ZNF518A: variants seen among roughly 807,000 people sequenced by gnomAD.
ZNF518A encodes zinc finger protein 518.
A neutral mutation model predicts 102.7 loss-of-function variants in ZNF518A; 47 were observed. That is an observed-to-expected ratio of 0.46 (90% CI 0.36 to 0.58). The LOEUF (loss-of-function observed/expected upper bound fraction) is 0.58, where lower values mean the gene tolerates loss of function less well. ZNF518A is among the 20% of genes least tolerant of loss of function. The pLI, the probability that ZNF518A is intolerant of heterozygous loss-of-function variation, is 0.00. For synonymous variants in ZNF518A, 652 were observed against 594.6 expected (o/e 1.10, Z -1.40); for missense variants, 1,793 against 1,699.8 (o/e 1.05, Z -0.96).
chr10:96,161,961 T>C lies in ZNF518A; in HGVS notation c.*1187T>C, dbSNP rs908203870. On this transcript the variant is annotated 3_prime_UTR_variant, in exon 6 of 6. Transcript: ENST00000316045. Reference sequence around the variant, plus strand: ...CAGAGTTTTAAAATGGATGTTTTCATGATGACAACAGAATCATAGATTTAG... The same window carrying C: ...CAGAGTTTTAAAATGGATGTTTTCACGATGACAACAGAATCATAGATTTAG... 2 of 167,104 alleles carry C rather than the reference T, an allele frequency of 1.2e-5. No homozygotes were observed. The highest frequency in any genetic ancestry group is 3.9e-4 in the East Asian group (2 of 5,192). 10.4% of individuals were successfully genotyped at this position (167,104 alleles called of 1,614,324 possible). A position where few individuals can be genotyped will look rare whatever the true frequency, so the allele number is the denominator to read the frequency against.
rs782396010 is a variant in ZNF518A, at chr10:96,158,251, A to G, written c.1929A>G (p.Ser643=). The change falls in exon 6 of 6, where the codon TCA becomes TCG. Residue 643 remains serine (S), a synonymous_variant. Coordinates refer to ENST00000316045, the MANE Select transcript of ZNF518A (RefSeq NM_001330736.2). ...NQGSLPFHNY[S]KVNNSNKRRR... is the part of the protein sequence containing the mutation. ...GATCATTACCTTTTCATAATTACTC[A>G]AAAGTGAATAATTCTAATAAACGTC... 5.6e-6 allele frequency: 9 copies of G among 1,613,498 alleles called. No individual in the cohort carries two copies. The South Asian group carries it at 9.9e-5, about 18-fold the overall frequency.
intron 1 of ZNF518A, chr10:96,190,151 T>G (rs750763099): frequency 1.2e-5 from 11 of 954,088 alleles, no homozygotes; most frequent in Non-Finnish European, 1.8e-5. Flanking sequence ...TTGTCGGCCT[T>G]TAGTTCACAA....
At chr10:96,198,871 T>G (rs1554895331) in intron 1 of ZNF518A, among the ~76,000 whole-genome samples, 1 of 152,132 alleles carries the variant, frequency 6.6e-6, no homozygotes, top group Non-Finnish European at 1.5e-5. Context: ...GCTAATTTTT[T>G]TATTTTCAGT....
intron 1 of ZNF518A, among the ~76,000 whole-genome samples, chr10:96,192,451 T>C (rs1321054358): frequency 1.3e-5 from 2 of 152,226 alleles, no homozygotes; most frequent in Non-Finnish European, 2.9e-5. Context: ...GATCATCTCT[T>C]ACTTTGCACA....
intron 1 of ZNF518A, among the ~76,000 whole-genome samples, chr10:96,179,587 T>C (rs587624347): frequency 1.0e-3 from 155 of 152,290 alleles, no homozygotes; most frequent in Non-Finnish European, 1.9e-3. Flanking sequence ...TATAAACATG[T>C]ATTTTCTATG....
chr10:96,200,844 C>T lies in ZNF518A; in HGVS notation n.36-2730C>T. ...CAACTGGGTATTCTGTCCCTATTACCAAATGACAGTTCACATAATGATGTA... is the reference window on the plus strand; with the variant it reads ...CAACTGGGTATTCTGTCCCTATTACTAAATGACAGTTCACATAATGATGTA... On this transcript the variant is annotated intron_variant and non_coding_transcript_variant, in intron 1 of 2. Transcript: ENST00000442635. The surrounding 1 kb of genome is among the most constrained non-coding windows in gnomAD (Gnocchi z 4.3). 2.4e-6 allele frequency: 2 copies of T among 840,012 alleles called. No individual in the cohort carries two copies. The highest frequency in any genetic ancestry group is 4.1e-6 in the Non-Finnish European group (2 of 490,166). The allele number at this position is 840,012 out of a possible 1,614,324, so 52.0% of individuals were successfully genotyped here.
chr10:96,159,091 T>G lies in ZNF518A; in HGVS notation c.2769T>G (p.Asn923Lys). Residue 923 changes from asparagine (N) to lysine (K), a missense_variant, in exon 6 of 6, where the codon AAT becomes AAG. Physicochemically the swap from Asn to Lys is moderately conservative, Grantham distance 94. Coordinates refer to ENST00000316045, the MANE Select transcript of ZNF518A (RefSeq NM_001330736.2). ...GSFYMQSPLLNSEQKKTIIVQ... is the reference protein window; with the variant it reads ...GSFYMQSPLLKSEQKKTIIVQ... ...TTTATATGCAGAGTCCACTTTTAAA[T>G]TCAGAACAAAAAAAAACTATAATTG... The G allele has an allele frequency of 6.2e-7, 1 of 1,611,530 alleles. No individual in the cohort carries two copies. Among genetic ancestry groups the G allele is most frequent in the African/African-American group, 1.3e-5 (1 of 74,716 alleles).
chr10:96,195,799 G>GT (rs2083450887), intron 1 of ZNF518A, among the ~76,000 whole-genome samples: 1 of 152,096 alleles, frequency 6.6e-6, no homozygotes, highest in East Asian at 1.9e-4. Context: ...TTTTATATGT[G>GT]GTTTTTTAAC....
chr10:96,158,739 A>G lies in ZNF518A; in HGVS notation c.2417A>G (p.Asn806Ser), dbSNP rs1554885056. 2 of 1,613,416 alleles carry G rather than the reference A, an allele frequency of 1.2e-6. No individual in the cohort carries two copies. Among genetic ancestry groups the G allele is most frequent in the Non-Finnish European group, 8.5e-7 (1 of 1,179,542 alleles). Residue 806 changes from asparagine to serine, a missense_variant, in exon 6 of 6, where the codon AAT becomes AGT. By Grantham distance (46) the Asn-to-Ser change is conservative. Coordinates refer to ENST00000316045, the MANE Select transcript of ZNF518A (RefSeq NM_001330736.2). Reference protein sequence around the residue: ...DVKQDSSNTPNKGLPLHCDQS... With the variant: ...DVKQDSSNTPSKGLPLHCDQS... ...AAACAAGACTCTAGTAACACTCCAAATAAAGGCTTGCCACTTCATTGTGAC... is the reference window on the plus strand; with the variant it reads ...AAACAAGACTCTAGTAACACTCCAAGTAAAGGCTTGCCACTTCATTGTGAC...
intron 1 of ZNF518A, chr10:96,192,170 A>C: frequency 2.7e-4 from 420 of 1,575,446 alleles, no homozygotes; most frequent in Non-Finnish European, 3.3e-4. Context: ...ATCTTCTCTC[A>C]TTCTCAAGTT....
intron 1 of ZNF518A, among the ~76,000 whole-genome samples, chr10:96,185,650 C>G (rs2083267465): frequency 6.6e-6 from 1 of 152,232 alleles, no homozygotes; most frequent in Non-Finnish European, 1.5e-5. Flanking sequence ...TGCAGAACAG[C>G]AAATATTGCT....
chr10:96,203,377 T>C (rs2083702745), intron 1 of ZNF518A, among the ~76,000 whole-genome samples: 1 of 152,166 alleles, frequency 6.6e-6, no homozygotes, highest in South Asian at 2.1e-4. Flanking sequence ...GTAAAAAAAA[T>C]GCATAAAAAT....
chr10:96,158,190 G>A lies in ZNF518A; in HGVS notation c.1868G>A (p.Gly623Asp), dbSNP rs782775941. The change falls in exon 6 of 6, where the codon GGC becomes GAC. Residue 623 changes from glycine to aspartate, a missense_variant. This residue lies in a region of ZNF518A where 1,741 missense variants were observed against 1,622.6 expected (regional missense o/e 1.07). Coordinates refer to ENST00000316045, the MANE Select transcript of ZNF518A (RefSeq NM_001330736.2). The part of the protein sequence containing the change: ...GDMHNYCINY[G>D]NCELPVESSN... ...ATGCATAATTATTGCATTAATTATG[G>A]CAACTGTGAGTTACCTGTTGAATCC... is the stretch of plus-strand genomic sequence containing the variant. The A allele has an allele frequency of 1.2e-6, 2 of 1,613,458 alleles. No homozygotes were observed. Among genetic ancestry groups the A allele is most frequent in the East Asian group, 4.5e-5 (2 of 44,862 alleles).
intron 1 of ZNF518A, among the ~76,000 whole-genome samples, chr10:96,189,209 C>A (rs2083292409): frequency 6.6e-6 from 1 of 152,138 alleles, no homozygotes; most frequent in Admixed American, 6.5e-5. Flanking sequence ...GCATTTTGGA[C>A]AACACATTCT....
At chr10:96,194,447 T>C (rs1243859242) in intron 1 of ZNF518A, among the ~76,000 whole-genome samples, 2 of 152,174 alleles carry the variant, frequency 1.3e-5, no homozygotes, top group Non-Finnish European at 2.9e-5. Flanking sequence ...TTGGCAATGA[T>C]TTTTTGGATA....
At chr10:96,166,066 T>C (rs587697295), downstream of ZNF518A, among the ~76,000 whole-genome samples, 6 of 152,284 alleles carry the variant, frequency 3.9e-5, no homozygotes, top group East Asian at 1.2e-3. Context: ...GGAGTTCTGA[T>C]GTCCAAGGGC....
chr10:96,198,819 C>T lies in ZNF518A; in HGVS notation n.36-4755C>T, dbSNP rs139581181. Among the ~76,000 whole-genome samples the T allele has an allele frequency of 9.2e-5, 14 of 152,348 alleles. No individual in the cohort carries two copies. The East Asian group carries it at 2.7e-3, about 29-fold the overall frequency. On this transcript the variant is annotated intron_variant and non_coding_transcript_variant, in intron 1 of 2. Transcript: ENST00000442635. ...GCCCAACCGATTCTCCTGCTTCAGC[C>T]TCCGGAGGAGCTGGGATTATAGGCG...
At chr10:96,169,529 A>G (rs1036683826) in intron 1 of ZNF518A, among the ~76,000 whole-genome samples, 1 of 152,106 alleles carries the variant, frequency 6.6e-6, no homozygotes, top group Non-Finnish European at 1.5e-5. Flanking sequence ...AATAATTTCT[A>G]TCCCTTTATT....
chr10:96,190,706 T>C (rs587722689), intron 1 of ZNF518A, among the ~76,000 whole-genome samples: 6 of 152,370 alleles, frequency 3.9e-5, no homozygotes, highest in African/African-American at 1.4e-4. Context: ...ATTTAATTAT[T>C]AGACTTAATT....
Sources: allele counts gnomAD v4.1 joint callset (sites outside exome capture counted in the v4.1 genomes callset), GRCh38; gene constraint gnomAD v4.1.1; regional missense constraint gnomAD v4.1.1; non-coding constraint Gnocchi (gnomAD v3.1); transcripts MANE v1.5; gene names NCBI Gene and HGNC (gene_info 2026-07-23, HGNC 2026-07-21).